Variants in APP observed in about 807,000 individuals in gnomAD.
The protein encoded by APP is amyloid-beta precursor protein.
APP carries 31 observed loss-of-function variants against 101.4 expected under a neutral mutation model. The ratio of observed to expected loss-of-function variants is 0.31; its 90% CI spans 0.23 to 0.41. The LOEUF (loss-of-function observed/expected upper bound fraction) is 0.41. Ranked by LOEUF, APP falls within the 10% of genes least tolerant of loss-of-function variation. The probability of loss-of-function intolerance (pLI) is 1.00; values close to 1 mark genes in which losing one functional copy is unlikely to be tolerated. For synonymous variants in APP, 366 were observed against 364.4 expected (o/e 1.00, Z -0.05); for missense variants, 839 against 1,003.7 (o/e 0.84, Z 2.22).
At chr21:25,923,708 G>T (rs1196088957) in intron 13 of APP, among the ~76,000 whole-genome samples, 135 of 114,026 alleles carry the variant, frequency 1.2e-3, no homozygotes, top group Admixed American at 2.4e-3. Context: ...TTAGAATGGC[G>T]ATCATTAAAA....
In APP at chr21:26,133,721, G is replaced by A. The variant is rs548260725; in HGVS notation, c.58-21575C>T. Among the ~76,000 whole-genome samples, 19 of 152,098 alleles carry A rather than the reference G, an allele frequency of 1.2e-4. No homozygotes were observed. The East Asian group carries it at 2.3e-3, about 19-fold the overall frequency. On this transcript the variant is annotated intron_variant, in intron 1 of 17. Coordinates refer to ENST00000346798, the MANE Select transcript of APP (RefSeq NM_000484.4). ...TGAGGGGCAGAGGTTGCAGTGAGCC[G>A]AGATCGCACCACTGCACTCCAGCCT...
intron 15 of APP, among the ~76,000 whole-genome samples, chr21:25,901,519 G>T (rs565465161): frequency 6.6e-6 from 1 of 152,254 alleles, no homozygotes; most frequent in East Asian, 1.9e-4. Context: ...TGTTTAGCAT[G>T]AATAGTCATC....
intron 1 of APP, among the ~76,000 whole-genome samples, chr21:26,123,475 A>AG (rs1199367033): frequency 6.6e-6 from 1 of 152,218 alleles, no homozygotes; most frequent in Non-Finnish European, 1.5e-5. Flanking sequence ...AGAATACTCC[A>AG]GGTTTAAATT....
chr21:26,168,211 G>A (rs2063659292), intron 1 of APP, among the ~76,000 whole-genome samples: 1 of 152,030 alleles, frequency 6.6e-6, no homozygotes, highest in Non-Finnish European at 1.5e-5. Context: ...TAATAACCAT[G>A]TTTCCCCCGA....
chr21:26,031,638 G>C (rs2044829659), intron 5 of APP, among the ~76,000 whole-genome samples: 1 of 152,170 alleles, frequency 6.6e-6, no homozygotes, highest in African/African-American at 2.4e-5. Flanking sequence ...ATGAGATCTT[G>C]TGAGACTTAT....
At chr21:26,065,074 G>A (rs1568930737) in intron 3 of APP, among the ~76,000 whole-genome samples, 2 of 152,092 alleles carry the variant, frequency 1.3e-5, no homozygotes, top group Admixed American at 6.5e-5. Context: ...GGCTGGTCTT[G>A]GACTTCCGAC....
chr21:25,956,947 G>A (rs2041348342), intron 11 of APP, among the ~76,000 whole-genome samples: 2 of 152,114 alleles, frequency 1.3e-5, no homozygotes, highest in African/African-American at 4.8e-5. Context: ...TCTTTAATGT[G>A]AGATCCACAG....
intron 10 of APP, 49 bp downstream of exon 10, chr21:25,975,905 A>G (rs1339072132): frequency 4.7e-6 from 7 of 1,493,336 alleles, no homozygotes; most frequent in East Asian, 2.3e-5. Flanking sequence ...CACTCATTAA[A>G]AAGACTGCTG....
chr21:26,140,290 A>G (rs552645762), intron 1 of APP: 153 of 1,534,910 alleles, frequency 1.0e-4, no homozygotes, highest in Admixed American at 1.8e-4. Context: ...TGCAGTGACC[A>G]CAACTTGACC....
At chr21:25,892,338 G>A (rs2037754533) in intron 16 of APP, among the ~76,000 whole-genome samples, 1 of 152,174 alleles carries the variant, frequency 6.6e-6, no homozygotes, top group Non-Finnish European at 1.5e-5. Context: ...GTGACTCTAA[G>A]TGACTGAGAC....
intron 11 of APP, among the ~76,000 whole-genome samples, chr21:25,973,961 AAAAG>A (rs2042131702): frequency 6.6e-6 from 1 of 151,480 alleles, no homozygotes; most frequent in Non-Finnish European, 1.5e-5. Flanking sequence ...AAAAAAAAAA[AAAAG>A]AACAAGTGGA....
chr21:26,028,839 A>C (rs1400850839), intron 5 of APP, among the ~76,000 whole-genome samples: 1 of 152,164 alleles, frequency 6.6e-6, no homozygotes, highest in Non-Finnish European at 1.5e-5. Context: ...GAGCAAGAAA[A>C]AAAATTATGG....
At chr21:26,074,221 T>A (rs1356440079) in intron 3 of APP, among the ~76,000 whole-genome samples, 1 of 152,150 alleles carries the variant, frequency 6.6e-6, no homozygotes, top group African/African-American at 2.4e-5. Flanking sequence ...CCCCCAAATT[T>A]TTCATGGCAT....
chr21:25,898,718 A>G (rs7280059), intron 15 of APP, among the ~76,000 whole-genome samples: 10,861 of 152,170 alleles, frequency 0.071, 993 homozygotes, highest in East Asian at 0.21. Flanking sequence ...AGCAAGCCTA[A>G]TCCTCCCTTC....
rs367977956 is a variant in APP, at chr21:26,135,888, C to A, written c.58-23742G>T. 3.9e-5 allele frequency among the ~76,000 whole-genome samples: 6 copies of A among 151,994 alleles called. No individual in the cohort carries two copies. The East Asian group carries it at 7.7e-4, about 20-fold the overall frequency. On this transcript the variant is annotated intron_variant, in intron 1 of 17. Transcript: ENST00000346798. ...GTGGCTCACACCTGTAATCCCAGCA[C>A]GCTGGGTGGCCGAGGCAGGCGGATC...
At chr21:25,977,992 T>C (rs1037439752) in intron 9 of APP, among the ~76,000 whole-genome samples, 5 of 152,274 alleles carry the variant, frequency 3.3e-5, no homozygotes, top group African/African-American at 7.2e-5. Flanking sequence ...TAGTTTGAGA[T>C]AGAAGTTCAA....
chr21:25,931,325 C>T (rs1240870941), intron 13 of APP, among the ~76,000 whole-genome samples: 2 of 152,174 alleles, frequency 1.3e-5, no homozygotes, highest in Non-Finnish European at 2.9e-5. Context: ...TGCCCAGGAT[C>T]TGTGACTCTT....
intron 13 of APP, among the ~76,000 whole-genome samples, chr21:25,948,943 C>T (rs2040946667): frequency 2.0e-5 from 3 of 152,124 alleles, no homozygotes; most frequent in Admixed American, 2.0e-4. Flanking sequence ...GCCATAGTTT[C>T]ACTGAAATAA....
chr21:26,034,262 A>C (rs2044985121), intron 5 of APP, among the ~76,000 whole-genome samples: 1 of 152,192 alleles, frequency 6.6e-6, no homozygotes, highest in African/African-American at 2.4e-5. Flanking sequence ...CTCTCCCTGC[A>C]AGCATAATTC....
Sources: allele counts gnomAD v4.1 joint callset (sites outside exome capture counted in the v4.1 genomes callset), GRCh38; gene constraint gnomAD v4.1.1; transcripts MANE v1.5; gene names NCBI Gene and HGNC (gene_info 2026-07-23, HGNC 2026-07-21).